The following OR1A1 variants were observed in gnomAD, a reference collection of about 807,000 sequenced individuals.
The protein encoded by OR1A1 is olfactory receptor family 1 subfamily A member 1, also known as olfactory receptor 1A1.
For missense variants in OR1A1, 391 were observed against 379.9 expected (o/e 1.03, Z -0.24); for synonymous variants, 145 against 147.8 (o/e 0.98, Z 0.13).
At position 3,216,365 on chromosome 17, in the gene OR1A1, T is replaced by C. The variant is rs1567526186; in HGVS notation, c.745T>C (p.Leu249=). The change falls in exon 4 of 4, where the codon TTG becomes CTG. Residue 249 remains leucine (L), a synonymous_variant. Coordinates refer to ENST00000641732, the MANE Select transcript of OR1A1 (RefSeq NM_014565.3). The part of the protein sequence containing the change: ...TCGSHLTVVS[L]YYGTVMGTYF... ...TGGTTCCCACCTCACGGTTGTCTCTTTGTATTATGGTACAGTCATGGGCAC... is the reference window on the plus strand; with the variant it reads ...TGGTTCCCACCTCACGGTTGTCTCTCTGTATTATGGTACAGTCATGGGCAC... 6.2e-7 allele frequency: 1 copy of C among 1,614,088 alleles called. No individual in the cohort carries two copies. The highest frequency in any genetic ancestry group is 1.7e-5 in the Admixed American group (1 of 60,002).
chr17:3,208,180 TAGAG>T (rs1194869309), intron 1 of OR1A1, among the ~76,000 whole-genome samples, 180 bp downstream of exon 1: 1 of 148,304 alleles, frequency 6.7e-6, no homozygotes, highest in African/African-American at 2.5e-5. Flanking sequence ...GATATATATA[TAGAG>T]AGAGAGAGAG....
At chr17:3,210,792 G>C (rs1597291959) in intron 2 of OR1A1, among the ~76,000 whole-genome samples, 1 of 152,126 alleles carries the variant, frequency 6.6e-6, no homozygotes, top group Non-Finnish European at 1.5e-5. Context: ...TTTTAGTAGA[G>C]ATGGGGTTTC....
Position 3,216,515 on chromosome 17 carries a change from C to G in OR1A1, c.895C>G (p.Leu299Val). The G allele has an allele frequency of 6.2e-7, 1 of 1,613,414 alleles. No individual in the cohort carries two copies. Among genetic ancestry groups the G allele is most frequent in the Non-Finnish European group, 8.5e-7 (1 of 1,179,540 alleles). Reference sequence around the variant, plus strand: ...GAGAAATCGGGACATGAAGGCTGCCCTGCGGAAACTCTTCAACAAGAGAAT... The same window carrying G: ...GAGAAATCGGGACATGAAGGCTGCCGTGCGGAAACTCTTCAACAAGAGAAT... ...SLRNRDMKAALRKLFNKRISS is the reference protein window; with the variant it reads ...SLRNRDMKAAVRKLFNKRISS Residue 299 changes from leucine (L) to valine (V), a missense_variant, in exon 4 of 4, where the codon CTG (leucine) becomes GTG (valine). Physicochemically the swap from Leu to Val is conservative, Grantham distance 32. Transcript: ENST00000641732.
chr17:3,215,943 G>C lies in OR1A1; in HGVS notation c.323G>C (p.Gly108Ala). Residue 108 changes from glycine (G) to alanine (A), a missense_variant, in exon 4 of 4, where the codon GGT (glycine) becomes GCT (alanine). Gly to Ala is a moderately conservative substitution (Grantham distance 60). Coordinates refer to ENST00000641732, the MANE Select transcript of OR1A1 (RefSeq NM_014565.3). ...CAGATGTATTTCATGATAGCCTTGG[G>C]TAACACAGACAGCTATATTTTGGCT... Reference protein sequence around the residue: ...LTQMYFMIALGNTDSYILAAM... With the variant: ...LTQMYFMIALANTDSYILAAM... 1 of 1,614,120 alleles carries C rather than the reference G, an allele frequency of 6.2e-7. No homozygotes were observed. Among genetic ancestry groups the C allele is most frequent in the African/African-American group, 1.3e-5 (1 of 75,016 alleles).
chr17:3,211,694 G>A (rs2048442660), intron 2 of OR1A1, among the ~76,000 whole-genome samples: 1 of 152,116 alleles, frequency 6.6e-6, no homozygotes, highest in South Asian at 2.1e-4. Context: ...ACTTGTATCT[G>A]GTTTGGGGTT....
intron 2 of OR1A1, among the ~76,000 whole-genome samples, chr17:3,210,607 G>T (rs2048436875): frequency 6.6e-6 from 1 of 151,918 alleles, no homozygotes; most frequent in South Asian, 2.1e-4. Flanking sequence ...TTTTGTTGTT[G>T]TTGTTTTTGT....
chr17:3,216,804 A>G lies in OR1A1; in HGVS notation c.*254A>G. Reference sequence around the variant, plus strand: ...GGCATATGTCCTGATGAGCAGAGTCAAGTTGGGAAGATCTGAGCCTCAGCT... The same window carrying G: ...GGCATATGTCCTGATGAGCAGAGTCGAGTTGGGAAGATCTGAGCCTCAGCT... On this transcript the variant is annotated 3_prime_UTR_variant, in exon 4 of 4. Transcript: ENST00000641732. The G allele has an allele frequency of 5.3e-6, 2 of 374,632 alleles. No individual in the cohort carries two copies. Among genetic ancestry groups the G allele is most frequent in the Non-Finnish European group, 4.8e-6 (1 of 208,044 alleles). The allele number at this position is 374,632 out of a possible 1,614,324, so 23.2% of individuals were successfully genotyped here. A position where few individuals can be genotyped will look rare whatever the true frequency, so the allele number is the denominator to read the frequency against.
At position 3,215,568 on chromosome 17, in the gene OR1A1, A is replaced by G. The variant is rs1482011359; in HGVS notation, c.-5-48A>G. 3 of 1,336,794 alleles carry G rather than the reference A, an allele frequency of 2.2e-6. No homozygotes were observed. In the African/African-American group the frequency reaches 4.3e-5, roughly 19 times the overall value. 82.8% of individuals were successfully genotyped at this position (1,336,794 alleles called of 1,614,324 possible). Reference sequence around the variant, plus strand: ...ATGGAGAAGGATTATCACTACACACAGTAACTATGCTAATATAATGATATT... The same window carrying G: ...ATGGAGAAGGATTATCACTACACACGGTAACTATGCTAATATAATGATATT... On this transcript the variant is annotated intron_variant, in intron 3 of 3. Coordinates refer to ENST00000641732, the MANE Select transcript of OR1A1 (RefSeq NM_014565.3).
intron 2 of OR1A1, among the ~76,000 whole-genome samples, chr17:3,209,356 C>A (rs1394766022): frequency 1.3e-5 from 2 of 152,082 alleles, no homozygotes; most frequent in Non-Finnish European, 2.9e-5. Flanking sequence ...GGTGTGGTGG[C>A]TTATGCCGGG....
intron 2 of OR1A1, among the ~76,000 whole-genome samples, chr17:3,212,210 C>T (rs1220471798): frequency 2.6e-5 from 4 of 152,244 alleles, no homozygotes; most frequent in East Asian, 1.9e-4. Flanking sequence ...CTCCCTGCTT[C>T]GTGTGGATCT....
In OR1A1 at chr17:3,218,351, G is replaced by A. The variant is rs1597294638; in HGVS notation, c.*1801G>A. On this transcript the variant is annotated 3_prime_UTR_variant, in exon 4 of 4. Transcript: ENST00000641732. ...GTAAATTAGTTCAACTATCATGGAAGACAGTGTGGTGACTCCTCAAGGATC... is the reference window on the plus strand; with the variant it reads ...GTAAATTAGTTCAACTATCATGGAAAACAGTGTGGTGACTCCTCAAGGATC... 1 of 152,320 alleles carries A rather than the reference G, an allele frequency of 6.6e-6. No individual in the cohort carries two copies. Among genetic ancestry groups the A allele is most frequent in the Non-Finnish European group, 1.5e-5 (1 of 68,030 alleles). The allele number at this position is 152,320 out of a possible 1,614,324, so 9.4% of individuals were successfully genotyped here. A position where few individuals can be genotyped will look rare whatever the true frequency, so the allele number is the denominator to read the frequency against.
rs1352951942 is a variant in OR1A1, at chr17:3,218,572, T to C, written c.*2022T>C. 1 of 152,174 alleles carries C rather than the reference T, an allele frequency of 6.6e-6. No homozygotes were observed. Among genetic ancestry groups the C allele is most frequent in the Non-Finnish European group, 1.5e-5 (1 of 68,040 alleles). The allele number at this position is 152,174 out of a possible 1,614,324, so 9.4% of individuals were successfully genotyped here. A position where few individuals can be genotyped will look rare whatever the true frequency, so the allele number is the denominator to read the frequency against. Reference sequence around the variant, plus strand: ...AAGAAAATGTGGCACATATACACCATGGAATACTACGCAGTCATAAAAAAG... The same window carrying C: ...AAGAAAATGTGGCACATATACACCACGGAATACTACGCAGTCATAAAAAAG... On this transcript the variant is annotated 3_prime_UTR_variant, in exon 4 of 4. Coordinates refer to ENST00000641732, the MANE Select transcript of OR1A1 (RefSeq NM_014565.3).
At chr17:3,214,106 A>G (rs2048455234) in intron 3 of OR1A1, 1 of 152,214 alleles carries the variant, frequency 6.6e-6, no homozygotes. Context: ...AGAGAAACTG[A>G]GTCATTAAGC....
At position 3,215,714 on chromosome 17, in the gene OR1A1, T is replaced by C. The variant is rs4325604; in HGVS notation, c.94T>C (p.Leu32=). Residue 32 remains leucine (L), a synonymous_variant, in exon 4 of 4, where the codon TTG becomes CTG. Transcript: ENST00000641732. ...GGAAGATTTCTTCTACATCCTCTTC[T>C]TGTTCATTTACCCCATCACATTGAT... The part of the protein sequence containing the change: ...EQEDFFYILF[L]FIYPITLIGN... 0.9 allele frequency: 1,452,854 copies of C among 1,613,942 alleles called. 657,451 individuals are homozygous for C. Among genetic ancestry groups the C allele is most frequent in the Non-Finnish European group, 0.92 (1,086,423 of 1,179,938 alleles).
intron 1 of OR1A1, among the ~76,000 whole-genome samples, 154 bp downstream of exon 1, chr17:3,208,154 T>C (rs1597290991): frequency 2.2e-5 from 3 of 137,262 alleles, no homozygotes; most frequent in Middle Eastern, 3.3e-3. Context: ...AAGAGAGAGA[T>C]AGAGATAGAG....
chr17:3,209,666 C>T (rs1295046324), intron 2 of OR1A1, among the ~76,000 whole-genome samples: 1 of 151,920 alleles, frequency 6.6e-6, no homozygotes, highest in African/African-American at 2.4e-5. Context: ...CCCACTTGAG[C>T]GGCAGATTCA....
In OR1A1 at chr17:3,209,234, C is replaced by T. The variant is rs995377185; in HGVS notation, c.-139+236C>T. ...CAAAGTCCACTGTATCATTCTTATG[C>T]CTTTGCATCCTCATAGCTTAGCTCC... is the stretch of plus-strand genomic sequence containing the variant. On this transcript the variant is annotated intron_variant, in intron 2 of 3. Coordinates refer to ENST00000641732, the MANE Select transcript of OR1A1 (RefSeq NM_014565.3). Among the ~76,000 whole-genome samples, 6 of 152,100 alleles carry T rather than the reference C, an allele frequency of 3.9e-5. No individual in the cohort carries two copies. The South Asian group carries it at 1.0e-3, about 26-fold the overall frequency.
At chr17:3,210,860 C>G (rs930189567) in intron 2 of OR1A1, among the ~76,000 whole-genome samples, 6 of 152,182 alleles carry the variant, frequency 3.9e-5, no homozygotes, top group Non-Finnish European at 8.8e-5. Context: ...CCCGCCTCAG[C>G]CTCCCAAAGT....
Position 3,216,588 on chromosome 17 carries a change from G to A in OR1A1, c.*38G>A, listed in dbSNP as rs1007719494. 8 of 1,461,116 alleles carry A rather than the reference G, an allele frequency of 5.5e-6. No homozygotes were observed. In the Admixed American group the frequency reaches 5.7e-5, roughly 10 times the overall value. 90.5% of individuals were successfully genotyped at this position (1,461,116 alleles called of 1,614,324 possible). ...CCTACATTGGATACCGTAGTCACCA[G>A]TTACGGTATATTGGAAATCCAGTTC... On this transcript the variant is annotated 3_prime_UTR_variant, in exon 4 of 4. Coordinates refer to ENST00000641732, the MANE Select transcript of OR1A1 (RefSeq NM_014565.3).
Sources: allele counts gnomAD v4.1 joint callset (sites outside exome capture counted in the v4.1 genomes callset), GRCh38; gene constraint gnomAD v4.1.1; transcripts MANE v1.5; gene names NCBI Gene and HGNC (gene_info 2026-07-23, HGNC 2026-07-21).